SYNE1: variants seen among roughly 807,000 people sequenced by gnomAD.
SYNE1 encodes the protein nesprin-1.
In SYNE1, 616 loss-of-function variants were observed where a neutral mutation model predicts 1,111.0. That is an observed-to-expected ratio of 0.55 (90% CI 0.52 to 0.59). SYNE1 has a LOEUF of 0.59. Among genes scored for constraint, SYNE1 ranks in the 20% least tolerant of loss-of-function variants. The pLI is 0.00. For synonymous variants in SYNE1, 3,855 were observed against 3,825.8 expected (o/e 1.01, Z -0.28); for missense variants, 10,006 against 10,417.0 (o/e 0.96, Z 1.72).
intron 4 of SYNE1, 78 bp downstream of exon 4, chr6:152,539,882 G>T (rs2099261047): frequency 6.9e-7 from 1 of 1,441,518 alleles, no homozygotes. Context: ...AGGGACAGAA[G>T]CATTTTGTTA....
chr6:152,587,758 C>T (rs560731980), intron 3 of SYNE1, among the ~76,000 whole-genome samples: 1 of 152,284 alleles, frequency 6.6e-6, no homozygotes, highest in African/African-American at 2.4e-5. Context: ...ATTGTGGTGG[C>T]AGGCAGCATT....
At chr6:152,342,284 G>C (rs79306367) in intron 74 of SYNE1, among the ~76,000 whole-genome samples, 13 of 152,200 alleles carry the variant, frequency 8.5e-5, no homozygotes, top group Non-Finnish European at 1.6e-4. Flanking sequence ...TTTGGTAACA[G>C]AGGAGAAAGA....
intron 55 of SYNE1, among the ~76,000 whole-genome samples, chr6:152,383,219 T>C (rs1052631551): frequency 1.3e-5 from 2 of 152,276 alleles, no homozygotes; most frequent in East Asian, 1.9e-4. Context: ...CTTGTCTTTA[T>C]GGAAGCACTT....
intron 128 of SYNE1, among the ~76,000 whole-genome samples, chr6:152,184,707 C>T (rs1335374493): frequency 6.6e-6 from 1 of 152,070 alleles, no homozygotes; most frequent in Non-Finnish European, 1.5e-5. Flanking sequence ...TTGTGTTTAT[C>T]ACACACCATG....
chr6:152,511,218 T>C, intron 6 of SYNE1, 115 bp from the exon 7 acceptor site: 1 of 926,198 alleles, frequency 1.1e-6, no homozygotes, highest in Admixed American at 1.9e-5. Context: ...GCCTATGTAA[T>C]AGTACATGGG....
At chr6:152,300,517 A>T in intron 93 of SYNE1, 124 bp downstream of exon 93, 1 of 1,327,594 alleles carries the variant, frequency 7.5e-7, no homozygotes, top group Non-Finnish European at 1.1e-6. Flanking sequence ...AACACCTAAT[A>T]GTGTGTCCCT....
chr6:152,226,887 A>C (rs764090603), intron 115 of SYNE1, among the ~76,000 whole-genome samples: 4 of 152,212 alleles, frequency 2.6e-5, no homozygotes, highest in Non-Finnish European at 5.9e-5. Flanking sequence ...GCATTAAGGC[A>C]TGGTTACAGT....
rs2152737640 is a variant in SYNE1, at chr6:152,135,169, C to T, written c.25723G>A (p.Glu8575Lys). 2 of 1,614,138 alleles carry T rather than the reference C, an allele frequency of 1.2e-6. No individual in the cohort carries two copies. Among genetic ancestry groups the T allele is most frequent in the East Asian group, 4.5e-5 (2 of 44,866 alleles). The change falls in exon 142 of 146, where the codon GAA becomes AAA. Residue 8575 changes from glutamate (E) to lysine (K), a missense_variant. Physicochemically the swap from Glu to Lys is moderately conservative, Grantham distance 56. Transcript: ENST00000367255. ...MLENIDRRKNEIVPIDSNLDA... is the reference protein window; with the variant it reads ...MLENIDRRKNKIVPIDSNLDA... ...AGGTTAGAATCAATAGGGACAATTT[C>T]ATTTTTCCTTCTGTCAATGTTCTCC...
At chr6:152,550,168 G>A (rs2099333606) in intron 3 of SYNE1, among the ~76,000 whole-genome samples, 1 of 152,072 alleles carries the variant, frequency 6.6e-6, no homozygotes, top group African/African-American at 2.4e-5. Flanking sequence ...TTTGCTGAAA[G>A]GTTACATAGA....
At chr6:152,514,419 G>A (rs1018254489) in intron 6 of SYNE1, among the ~76,000 whole-genome samples, 2 of 152,122 alleles carry the variant, frequency 1.3e-5, no homozygotes, top group African/African-American at 2.4e-5. Flanking sequence ...ATAAGTGGGA[G>A]TTGAACAATG....
At chr6:152,431,708 C>A (rs552643377) in intron 34 of SYNE1, among the ~76,000 whole-genome samples, 3 of 152,138 alleles carry the variant, frequency 2.0e-5, no homozygotes, top group African/African-American at 7.2e-5. Flanking sequence ...GTTTTGACTT[C>A]TGTCTAGATG....
chr6:152,156,990 G>C (rs758556842), intron 131 of SYNE1, among the ~76,000 whole-genome samples: 7 of 152,064 alleles, frequency 4.6e-5, no homozygotes, highest in Non-Finnish European at 1.0e-4. Flanking sequence ...ATCATGCCTG[G>C]CTGGTTTTTG....
intron 143 of SYNE1, 87 bp downstream of exon 143, chr6:152,133,188 AT>A: frequency 8.1e-7 from 1 of 1,235,776 alleles, no homozygotes; most frequent in Non-Finnish European, 1.2e-6. Context: ...CAAGTACTAT[AT>A]TTAAAGTCTT....
At chr6:152,371,580 T>C (rs920609626) in intron 59 of SYNE1, among the ~76,000 whole-genome samples, 1 of 108,684 alleles carries the variant, frequency 9.2e-6, no homozygotes, top group Non-Finnish European at 1.8e-5. Context: ...AGAAAGGAGA[T>C]GAGAGGGGAG....
chr6:152,416,858 A>T lies in SYNE1; in HGVS notation c.5579T>A (p.Val1860Glu). 2 of 1,614,016 alleles carry T rather than the reference A, an allele frequency of 1.2e-6. No individual in the cohort carries two copies. Among genetic ancestry groups the T allele is most frequent in the Non-Finnish European group, 1.7e-6 (2 of 1,179,890 alleles). ...GGACAGGGCAAGCTGCCGCCTCTCC[A>T]CAACCTGGCTGGCCTCCTCAAACAG... ...FQLFEEASQV[V>E]ERRQLALSHL... is the part of the protein sequence containing the mutation. Residue 1860 changes from valine (V) to glutamate (E), a missense_variant, in exon 41 of 146, where the codon GTG becomes GAG. Coordinates refer to ENST00000367255, the MANE Select transcript of SYNE1 (RefSeq NM_182961.4).
In SYNE1 at chr6:152,225,726, G is replaced by C; in HGVS notation, c.21346C>G (p.His7116Asp). 6.2e-7 allele frequency: 1 copy of C among 1,614,102 alleles called. No homozygotes were observed. The highest frequency in any genetic ancestry group is 8.5e-7 in the Non-Finnish European group (1 of 1,179,986). The change falls in exon 116 of 146, where the codon CAC becomes GAC. Residue 7116 changes from histidine to aspartate, a missense_variant. This residue lies in a region of SYNE1 where 2,182 missense variants were observed against 2,287.8 expected (regional missense o/e 0.95). Coordinates refer to ENST00000367255, the MANE Select transcript of SYNE1 (RefSeq NM_182961.4). Reference sequence around the variant, plus strand: ...CTTTCTGTGAGCAATATTACCATGTGATCTAAATTTGCCCAGGTTTGGCCG... The same window carrying C: ...CTTTCTGTGAGCAATATTACCATGTCATCTAAATTTGCCCAGGTTTGGCCG... Reference protein sequence around the residue: ...ELGQTWANLDHMVGQLKILLK... With the variant: ...ELGQTWANLDDMVGQLKILLK...
chr6:152,541,281 T>G (rs921329466), intron 3 of SYNE1, among the ~76,000 whole-genome samples: 5 of 152,196 alleles, frequency 3.3e-5, no homozygotes, highest in Non-Finnish European at 7.3e-5. Flanking sequence ...TCCATTTGTT[T>G]GTATCATCTA....
chr6:152,352,414 T>TC, intron 69 of SYNE1, 61 bp from the exon 70 acceptor site: 1 of 1,556,270 alleles, frequency 6.4e-7, no homozygotes, highest in Non-Finnish European at 8.7e-7. Flanking sequence ...CTTTCTTTTT[T>TC]TTTTTTGAGA....
chr6:152,387,555 T>C (rs1410302310), intron 53 of SYNE1, among the ~76,000 whole-genome samples, 174 bp from the exon 54 acceptor site: 11 of 152,206 alleles, frequency 7.2e-5, no homozygotes, highest in Admixed American at 7.2e-4. Context: ...ATAAGATCCT[T>C]ACCACAGGTC....
Sources: gnomAD v4.1 joint callset for allele counts (sites outside exome capture counted in the v4.1 genomes callset) on GRCh38, gnomAD v4.1.1 for gene constraint, gnomAD v4.1.1 regional missense constraint, MANE v1.5 for transcripts, NCBI Gene and HGNC (gene_info 2026-07-23, HGNC 2026-07-21) for gene names.